The following ZNF518B variants were observed in gnomAD, a reference collection of about 807,000 sequenced individuals.
The protein encoded by ZNF518B is zinc finger protein 518B.
ZNF518B carries 23 observed loss-of-function variants against 56.3 expected under a neutral mutation model. The observed-to-expected ratio is 0.41, with a 90% CI of 0.29 to 0.58. The LOEUF is 0.58. Among genes scored for constraint, ZNF518B ranks in the 20% least tolerant of loss-of-function variants. The probability of loss-of-function intolerance (pLI) is 0.32; values close to 1 mark genes in which losing one functional copy is unlikely to be tolerated. For missense variants in ZNF518B, 1,460 were observed against 1,272.1 expected, an observed-to-expected ratio of 1.15 and a Z score of -2.25; for synonymous variants, 529 against 465.9, an observed-to-expected ratio of 1.14 and a Z score of -1.74.
At chr4:10,455,425 A>C (rs1715486042) in intron 1 of ZNF518B, among the ~76,000 whole-genome samples, 1 of 152,224 alleles carries the variant, frequency 6.6e-6, no homozygotes, top group African/African-American at 2.4e-5. Flanking sequence ...TATCATGATC[A>C]ATAGCGAAGG....
At chr4:10,458,580 T>C (rs551818462), upstream of ZNF518B, among the ~76,000 whole-genome samples, 1 of 152,328 alleles carries the variant, frequency 6.6e-6, no homozygotes, top group South Asian at 2.1e-4. Flanking sequence ...AGCAAATCCT[T>C]CTTCCTGCCC....
chr4:10,453,573 A>T (rs1715412917), intron 2 of ZNF518B: 1 of 152,012 alleles, frequency 6.6e-6, no homozygotes, highest in Non-Finnish European at 1.5e-5. Flanking sequence ...TGAAAAAAAA[A>T]TGTGAAAGAG....
upstream of ZNF518B, among the ~76,000 whole-genome samples, chr4:10,461,342 G>A (rs1365882787): frequency 6.6e-6 from 1 of 152,308 alleles, no homozygotes; most frequent in South Asian, 2.1e-4. Context: ...CGCGGCTGCC[G>A]CGGAAGCGCG....
intron 1 of ZNF518B, 52 bp downstream of exon 1, chr4:10,457,265 G>A (rs1715581933): frequency 6.6e-6 from 1 of 151,450 alleles, no homozygotes; most frequent in Admixed American, 6.6e-5. Flanking sequence ...CTGGCGCTTC[G>A]GTCACGTACA....
chr4:10,445,028 C>T lies in ZNF518B; in HGVS notation c.1301G>A (p.Trp434Ter). Residue 434 changes from tryptophan to a stop codon, truncating the protein, a stop_gained, in exon 3 of 3, where the codon TGG (tryptophan) becomes TAG (stop). Coordinates refer to ENST00000326756, the MANE Select transcript of ZNF518B (RefSeq NM_053042.3). LOFTEE classifies it high-confidence loss of function. ...SVQKQLKNVK[W>*]VRSYDFIMPN... ...CATAATAAAATCATAAGACCTTACC[C>T]ATTTCACATTTTTAAGCTGTTTCTG... 6.2e-7 allele frequency: 1 copy of T among 1,614,172 alleles called. No homozygotes were observed. The highest frequency in any genetic ancestry group is 8.5e-7 in the Non-Finnish European group (1 of 1,180,030).
At chr4:10,457,654 C>T (rs1202758109), upstream of ZNF518B, among the ~76,000 whole-genome samples, 1 of 152,240 alleles carries the variant, frequency 6.6e-6, no homozygotes, top group East Asian at 1.9e-4. Flanking sequence ...AAGAAGGATT[C>T]GGCTTCGGTC....
rs1714660378 is a variant in ZNF518B at position 10,441,209 on chromosome 4, A to G, written c.*1895T>C. Reference sequence around the variant, plus strand: ...ATTTTTCCAGCCCATGTATCATTATAAAATAGGAAATCAGAAAATTAGCTA... The same window carrying G: ...ATTTTTCCAGCCCATGTATCATTATGAAATAGGAAATCAGAAAATTAGCTA... On this transcript the variant is annotated 3_prime_UTR_variant, in exon 3 of 3. Coordinates refer to ENST00000326756, the MANE Select transcript of ZNF518B (RefSeq NM_053042.3). The G allele has an allele frequency of 6.6e-6, 1 of 152,628 alleles. No individual in the cohort carries two copies. Among genetic ancestry groups the G allele is most frequent in the African/African-American group, 2.4e-5 (1 of 41,452 alleles). 9.5% of individuals were successfully genotyped at this position (152,628 alleles called of 1,614,324 possible).
intron 2 of ZNF518B, chr4:10,450,800 C>T (rs752398534): frequency 1.3e-5 from 2 of 152,192 alleles, no homozygotes; most frequent in Admixed American, 6.5e-5. Context: ...CTCTCAACAT[C>T]TGTTGCAAAA....
In ZNF518B at chr4:10,444,843, G is replaced by C; in HGVS notation, c.1486C>G (p.Arg496Gly). The change falls in exon 3 of 3, where the codon CGT becomes GGT. Residue 496 changes from arginine (R) to glycine (G), a missense_variant. Physicochemically the swap from Arg to Gly is moderately radical, Grantham distance 125. Transcript: ENST00000326756. ...LASVFKNSVL[R>G]SLGAASNPFP... is the part of the protein sequence containing the mutation. ...GGGTTTGATGCAGCTCCAAGACTAC[G>C]TAAAACACTGTTTTTAAATACAGAT... The C allele has an allele frequency of 6.2e-7, 1 of 1,614,002 alleles. No individual in the cohort carries two copies. Among genetic ancestry groups the C allele is most frequent in the East Asian group, 2.2e-5 (1 of 44,872 alleles).
Position 10,444,842 on chromosome 4 carries a change from C to T in ZNF518B, c.1487G>A (p.Arg496His), listed in dbSNP as rs202108142. Residue 496 changes from arginine to histidine, a missense_variant, in exon 3 of 3, where the codon CGT becomes CAT. Transcript: ENST00000326756. ...AGGGTTTGATGCAGCTCCAAGACTA[C>T]GTAAAACACTGTTTTTAAATACAGA... is the stretch of plus-strand genomic sequence containing the variant. ...LASVFKNSVL[R>H]SLGAASNPFP... 101 of 1,613,926 alleles carry T rather than the reference C, an allele frequency of 6.3e-5. No individual in the cohort carries two copies. Among genetic ancestry groups the T allele is most frequent in the Middle Eastern group, 1.7e-4 (1 of 6,056 alleles).
At chr4:10,460,133 CG>C, upstream of ZNF518B, among the ~76,000 whole-genome samples, 1 of 151,652 alleles carries the variant, frequency 6.6e-6, no homozygotes, top group East Asian at 1.9e-4. Context: ...GGTGAAGCCC[CG>C]CCTCTACTAA....
Position 10,443,781 on chromosome 4 carries a change from C to T in ZNF518B, c.2548G>A (p.Glu850Lys), listed in dbSNP as rs1714804964. 4 of 1,614,182 alleles carry T rather than the reference C, an allele frequency of 2.5e-6. No homozygotes were observed. The highest frequency in any genetic ancestry group is 2.5e-6 in the Non-Finnish European group (3 of 1,180,026). Residue 850 changes from glutamate to lysine, a missense_variant, in exon 3 of 3, where the codon GAG becomes AAG. By Grantham distance (56) the Glu-to-Lys change is moderately conservative. Transcript: ENST00000326756. ...TGGATGGTGCTACAGACAGCACTCT[C>T]TTTTCTCAGTTTAGGCCGCAGAGGT... ...ETPLRPKLRK[E>K]SAVCSTIHRK...
At chr4:10,455,536 T>C (rs1287116367) in intron 1 of ZNF518B, among the ~76,000 whole-genome samples, 2 of 152,334 alleles carry the variant, frequency 1.3e-5, no homozygotes, top group East Asian at 3.9e-4. Context: ...AATAAAATGT[T>C]CTTTGTTCTT....
chr4:10,446,867 A>G (rs187122218), intron 2 of ZNF518B, among the ~76,000 whole-genome samples: 1 of 152,362 alleles, frequency 6.6e-6, no homozygotes, highest in Admixed American at 6.5e-5. Flanking sequence ...CATCTTTCAT[A>G]GGTATAATTT....
At position 10,444,165 on chromosome 4, in the gene ZNF518B, C is replaced by T. The variant is rs761764362; in HGVS notation, c.2164G>A (p.Gly722Ser). 1.9e-6 allele frequency: 3 copies of T among 1,614,146 alleles called. No homozygotes were observed. Among genetic ancestry groups the T allele is most frequent in the Non-Finnish European group, 2.5e-6 (3 of 1,180,034 alleles). Residue 722 changes from glycine to serine, a missense_variant, in exon 3 of 3, where the codon GGT becomes AGT. Coordinates refer to ENST00000326756, the MANE Select transcript of ZNF518B (RefSeq NM_053042.3). ...VSLTGLGHST[G>S]TLQKPPNDGG... is the part of the protein sequence containing the mutation. ...TCATTCGGAGGTTTCTGAAGAGTAC[C>T]TGTGGAATGGCCAAGACCAGTGAGT...
chr4:10,458,502 C>G (rs551322426), upstream of ZNF518B, among the ~76,000 whole-genome samples: 8 of 152,266 alleles, frequency 5.3e-5, 1 homozygote, highest in Admixed American at 4.6e-4. Context: ...AGCCACAAGT[C>G]CAGCAGCTGG....
chr4:10,447,836 A>G (rs1715135090), intron 2 of ZNF518B, among the ~76,000 whole-genome samples: 1 of 151,908 alleles, frequency 6.6e-6, no homozygotes, highest in African/African-American at 2.4e-5. Context: ...TTTAGTAGAG[A>G]CAGGGTTTCT....
chr4:10,455,653 G>A (rs1222798880), intron 1 of ZNF518B, among the ~76,000 whole-genome samples: 1 of 152,106 alleles, frequency 6.6e-6, no homozygotes, highest in Non-Finnish European at 1.5e-5. Context: ...AAGATCTTCA[G>A]ATCGGGTATA....
Position 10,440,187 on chromosome 4 carries a change from AACAG to A in ZNF518B, c.*2913_*2916del, listed in dbSNP as rs1444689024. 1 of 152,328 alleles carries A rather than the reference AACAG, an allele frequency of 6.6e-6. No individual in the cohort carries two copies. Among genetic ancestry groups the A allele is most frequent in the Non-Finnish European group, 1.5e-5 (1 of 68,038 alleles). The allele number at this position is 152,328 out of a possible 1,614,324, so 9.4% of individuals were successfully genotyped here. ...AAATATATTTTGTTCAGTCTAGTTC[AACAG>A]ACAGCAGGTGGCCCTTAATGAAGGC... On this transcript the variant is annotated 3_prime_UTR_variant, in exon 3 of 3. Coordinates refer to ENST00000326756, the MANE Select transcript of ZNF518B (RefSeq NM_053042.3).
Sources: gnomAD v4.1 joint callset for allele counts (sites outside exome capture counted in the v4.1 genomes callset) on GRCh38, gnomAD v4.1.1 for gene constraint, MANE v1.5 for transcripts, NCBI Gene and HGNC (gene_info 2026-07-23, HGNC 2026-07-21) for gene names.